Variants in EML5 observed in about 807,000 individuals in gnomAD.
EML5 encodes echinoderm microtubule-associated protein-like 5.
EML5 carries 120 observed loss-of-function variants against 250.0 expected under a neutral mutation model. The observed-to-expected ratio is 0.48, with a 90% CI of 0.41 to 0.56. The LOEUF (loss-of-function observed/expected upper bound fraction) is 0.56, where lower values mean the gene tolerates loss of function less well. EML5 is among the 20% of genes least tolerant of loss of function. EML5 has a pLI of 0.00. For synonymous variants in EML5, 771 were observed against 806.5 expected (o/e 0.96, Z 0.75); for missense variants, 2,006 against 2,437.6 (o/e 0.82, Z 3.73).
chr14:88,626,842 C>T lies in EML5; in HGVS notation c.4736G>A (p.Gly1579Asp). Residue 1579 changes from glycine (G) to aspartate (D), a missense_variant, in exon 35 of 44, where the codon GGT (glycine) becomes GAT (aspartate). Coordinates refer to ENST00000554922, the MANE Select transcript of EML5 (RefSeq NM_183387.3). ...TGTGCATTTTAAGAGACATACTGCA[C>T]CAAATGCAATAGCGAGCATGGTCTG... ...RMQTMLAIAF[G>D]ANNLTFTGTI... 6.8e-6 allele frequency: 11 copies of T among 1,613,796 alleles called. No homozygotes were observed. The highest frequency in any genetic ancestry group is 8.5e-6 in the Non-Finnish European group (10 of 1,179,834).
At chr14:88,640,831 AAAG>A (rs757935551) in intron 31 of EML5, among the ~76,000 whole-genome samples, 3 of 152,156 alleles carry the variant, frequency 2.0e-5, no homozygotes, top group Admixed American at 6.5e-5. Flanking sequence ...TTAACAAAAA[AAAG>A]AAGATCCCAA....
intron 1 of EML5, among the ~76,000 whole-genome samples, chr14:88,775,403 C>T (rs969878000): frequency 3.3e-5 from 5 of 152,042 alleles, no homozygotes; most frequent in Non-Finnish European, 5.9e-5. Context: ...AAAGTGAGTC[C>T]CAGACCAGGC....
intron 1 of EML5, among the ~76,000 whole-genome samples, chr14:88,756,861 T>C (rs1248691331): frequency 2.0e-5 from 3 of 152,202 alleles, no homozygotes; most frequent in African/African-American, 7.2e-5. Flanking sequence ...ATCTCATTTC[T>C]GGGCTTAGAG....
intron 35 of EML5, chr14:88,626,437 T>C (rs1034423898): frequency 1.1e-5 from 2 of 184,796 alleles, no homozygotes; most frequent in African/African-American, 4.7e-5. Flanking sequence ...CTAGGCAACA[T>C]AGCGAAACCC....
intron 1 of EML5, among the ~76,000 whole-genome samples, chr14:88,764,381 C>T (rs2094292393): frequency 1.3e-5 from 2 of 152,164 alleles, no homozygotes; most frequent in South Asian, 4.1e-4. Context: ...TTCATTTCAT[C>T]TCAGTTGTCA....
At chr14:88,623,630 T>C (rs1312855926) in intron 36 of EML5, 1 of 151,868 alleles carries the variant, frequency 6.6e-6, no homozygotes, top group Non-Finnish European at 1.5e-5. Flanking sequence ...GCCAGGCTGA[T>C]CCCAAACTCC....
At chr14:88,718,469 CAG>C (rs571657912) in intron 8 of EML5, among the ~76,000 whole-genome samples, 2 of 152,002 alleles carry the variant, frequency 1.3e-5, no homozygotes, top group Non-Finnish European at 2.9e-5. Context: ...AAGCTGAAAA[CAG>C]AAAGAGAAGA....
At chr14:88,693,473 G>A (rs538927234) in intron 17 of EML5, among the ~76,000 whole-genome samples, 21 of 152,254 alleles carry the variant, frequency 1.4e-4, no homozygotes, top group African/African-American at 2.9e-4. Flanking sequence ...ACAGTATGGC[G>A]AACCGCCCCC....
chr14:88,638,160 A>G (rs1595313905), intron 32 of EML5, among the ~76,000 whole-genome samples: 1 of 152,228 alleles, frequency 6.6e-6, no homozygotes, highest in Admixed American at 6.5e-5. Context: ...AACTTCTGCC[A>G]TATTCATATT....
chr14:88,701,569 G>A (rs1171203372), intron 14 of EML5, among the ~76,000 whole-genome samples: 1 of 152,048 alleles, frequency 6.6e-6, no homozygotes, highest in African/African-American at 2.4e-5. Flanking sequence ...AGTAAGGAGA[G>A]GCACAAAGAA....
At chr14:88,731,466 CACTGATGG>C (rs1454921327) in intron 7 of EML5, among the ~76,000 whole-genome samples, 1 of 152,114 alleles carries the variant, frequency 6.6e-6, no homozygotes, top group Non-Finnish European at 1.5e-5. Flanking sequence ...TCCAGTCTAT[CACTGATGG>C]ACATTTGGGT....
At chr14:88,750,810 G>C (rs766747077) in intron 2 of EML5, among the ~76,000 whole-genome samples, 1 of 152,110 alleles carries the variant, frequency 6.6e-6, no homozygotes, top group Non-Finnish European at 1.5e-5. Context: ...TTTACTATTT[G>C]GGAACCAAAG....
At chr14:88,725,611 A>T (rs1460676956) in intron 8 of EML5, among the ~76,000 whole-genome samples, 5 of 152,194 alleles carry the variant, frequency 3.3e-5, no homozygotes, top group Non-Finnish European at 5.9e-5. Context: ...GCTGCATCCT[A>T]AGGACAGTAC....
At chr14:88,746,835 C>A (rs756309975) in intron 2 of EML5, among the ~76,000 whole-genome samples, 46 of 152,142 alleles carry the variant, frequency 3.0e-4, no homozygotes, top group Non-Finnish European at 6.0e-4. Context: ...TAACCCCTTC[C>A]TAAAGAAGCG....
chr14:88,774,272 T>C (rs188134830), intron 1 of EML5, among the ~76,000 whole-genome samples: 239 of 152,348 alleles, frequency 1.6e-3, no homozygotes, highest in Non-Finnish European at 2.6e-3. Flanking sequence ...GTTGCTAGTC[T>C]GAAGACCACA....
At chr14:88,624,168 C>T (rs1444482307) in intron 36 of EML5, 1 of 152,138 alleles carries the variant, frequency 6.6e-6, no homozygotes, top group Non-Finnish European at 1.5e-5. Flanking sequence ...CTTGACCTCC[C>T]CAGGCTCAAG....
At chr14:88,675,207 G>C (rs956497582) in intron 21 of EML5, among the ~76,000 whole-genome samples, 1 of 152,224 alleles carries the variant, frequency 6.6e-6, no homozygotes, top group African/African-American at 2.4e-5. Context: ...CTGTATGGGG[G>C]CTCCAACCCC....
chr14:88,690,199 T>A (rs541884445), intron 17 of EML5, among the ~76,000 whole-genome samples: 1 of 152,324 alleles, frequency 6.6e-6, no homozygotes, highest in South Asian at 2.1e-4. Flanking sequence ...TGGAGAGGTC[T>A]AAGGCAGTAC....
At chr14:88,784,579 T>G (rs2094531711) in intron 1 of EML5, among the ~76,000 whole-genome samples, 2 of 151,986 alleles carry the variant, frequency 1.3e-5, no homozygotes, top group African/African-American at 4.8e-5. Flanking sequence ...CTACCAAGAT[T>G]GAACCAGGAA....
Sources: allele counts gnomAD v4.1 joint callset (sites outside exome capture counted in the v4.1 genomes callset), GRCh38; gene constraint gnomAD v4.1.1; transcripts MANE v1.5; gene names NCBI Gene and HGNC (gene_info 2026-07-23, HGNC 2026-07-21).